UBTD1: variants seen among roughly 807,000 people sequenced by gnomAD.
UBTD1 encodes the protein ubiquitin domain containing 1.
UBTD1 carries 19 observed loss-of-function variants against 21.7 expected under a neutral mutation model. The ratio of observed to expected loss-of-function variants is 0.87; its 90% confidence interval spans 0.61 to 1.28. The LOEUF (loss-of-function observed/expected upper bound fraction) is 1.28. Ranked by LOEUF, UBTD1 falls within the 50% of genes most tolerant of loss-of-function variation. UBTD1 has a pLI of 0.00. For synonymous variants in UBTD1, 116 were observed against 135.1 expected, an observed-to-expected ratio of 0.86 and a Z score of 0.98; for missense variants, 282 against 315.1, an observed-to-expected ratio of 0.89 and a Z score of 0.80.
In UBTD1 at chr10:97,552,643, TCTGC is replaced by T. The variant is rs912175695; in HGVS notation, c.71-15264_71-15261del. On this transcript the variant is annotated intron_variant, in intron 1 of 2. Transcript: ENST00000370664. ...GTCTTGAACTCCTCACCTCAAGTGA[TCTGC>T]CTGCCTCAGCCTCCCAAAGTTCTGG... Among the ~76,000 whole-genome samples, 4 of 152,306 alleles carry T rather than the reference TCTGC, an allele frequency of 2.6e-5. No homozygotes were observed. The East Asian group carries it at 7.7e-4, about 29-fold the overall frequency.
At position 97,499,173 on chromosome 10, in the gene UBTD1, C is replaced by T. The variant is rs1390003837; in HGVS notation, c.-31C>T. The T allele has an allele frequency of 6.6e-7, 1 of 1,512,260 alleles. No homozygotes were observed. The highest frequency in any genetic ancestry group is 8.9e-7 in the Non-Finnish European group (1 of 1,126,876). The allele number at this position is 1,512,260 out of a possible 1,614,324, so 93.7% of individuals were successfully genotyped here. A position where few individuals can be genotyped will look rare whatever the true frequency, so the allele number is the denominator to read the frequency against. Reference sequence around the variant, plus strand: ...TGAGCAGCCGACCACCCCGCCGCCTCCGGTGCATGGGGACTGGCTGAGGAG... The same window carrying T: ...TGAGCAGCCGACCACCCCGCCGCCTTCGGTGCATGGGGACTGGCTGAGGAG... On this transcript the variant is annotated 5_prime_UTR_variant, in exon 1 of 3. Coordinates refer to ENST00000370664, the MANE Select transcript of UBTD1 (RefSeq NM_024954.5).
At chr10:97,557,432 G>A (rs558872708) in intron 1 of UBTD1, among the ~76,000 whole-genome samples, 62 of 152,176 alleles carry the variant, frequency 4.1e-4, no homozygotes, top group Admixed American at 8.5e-4. Flanking sequence ...TGCAGGAGGG[G>A]CTGACTTTTC....
At chr10:97,509,716 T>C (rs1238001355) in intron 1 of UBTD1, among the ~76,000 whole-genome samples, 1 of 152,128 alleles carries the variant, frequency 6.6e-6, no homozygotes, top group Non-Finnish European at 1.5e-5. Flanking sequence ...AATGGCATGA[T>C]CTCGGCTCAC....
rs573524897 is a variant in UBTD1 at position 97,535,816 on chromosome 10, G to A, written c.71-32098G>A. Among the ~76,000 whole-genome samples the A allele has an allele frequency of 2.6e-5, 4 of 151,816 alleles. No homozygotes were observed. The South Asian group carries it at 8.3e-4, about 32-fold the overall frequency. On this transcript the variant is annotated intron_variant, in intron 1 of 2. Coordinates refer to ENST00000370664, the MANE Select transcript of UBTD1 (RefSeq NM_024954.5). Reference sequence around the variant, plus strand: ...TCCTGTAGTCCTAGCTACTCAGGAGGCTGAGGTAGAAGGATCGCTTGATGC... The same window carrying A: ...TCCTGTAGTCCTAGCTACTCAGGAGACTGAGGTAGAAGGATCGCTTGATGC...
rs2040740651 is a variant in UBTD1, at chr10:97,570,397, A to G, written c.558A>G (p.Pro186=). 1 of 1,613,466 alleles carries G rather than the reference A, an allele frequency of 6.2e-7. No homozygotes were observed. The highest frequency in any genetic ancestry group is 1.1e-5 in the South Asian group (1 of 91,090). The change falls in exon 3 of 3, where the codon CCA becomes CCG. Residue 186 remains proline (P), a synonymous_variant. Coordinates refer to ENST00000370664, the MANE Select transcript of UBTD1 (RefSeq NM_024954.5). This position sits in a 1 kb window ranked among gnomAD's most constrained non-coding sequence, Gnocchi z 6.6. ...TGCACGCCCAGGAGGGCATCGAGCC[A>G]TCGTGGCAGCGGTGGTTCTTCTCCG... ...RQLHAQEGIE[P]SWQRWFFSGK...
rs2040744021 is a variant in UBTD1 at position 97,570,695 on chromosome 10, C to G, written c.*172C>G. ...CACTACGCGCCACCAGTTCCCGGTACCCAGGGAGCAGGCAGCCACACACGG... is the reference window on the plus strand; with the variant it reads ...CACTACGCGCCACCAGTTCCCGGTAGCCAGGGAGCAGGCAGCCACACACGG... On this transcript the variant is annotated 3_prime_UTR_variant, in exon 3 of 3. Transcript: ENST00000370664. This position sits in a 1 kb window ranked among gnomAD's most constrained non-coding sequence, Gnocchi z 6.6. 2 of 783,040 alleles carry G rather than the reference C, an allele frequency of 2.6e-6. No homozygotes were observed. The highest frequency in any genetic ancestry group is 5.9e-5 in the Admixed American group (2 of 33,914). 48.5% of individuals were successfully genotyped at this position (783,040 alleles called of 1,614,324 possible).
chr10:97,499,633 G>A (rs1240495867), intron 1 of UBTD1, among the ~76,000 whole-genome samples: 4 of 152,174 alleles, frequency 2.6e-5, no homozygotes, highest in Non-Finnish European at 4.4e-5. Flanking sequence ...CGGCCCGTCG[G>A]GGCACGGCGC....
At chr10:97,532,550 G>A (rs559106847) in intron 1 of UBTD1, among the ~76,000 whole-genome samples, 2 of 152,322 alleles carry the variant, frequency 1.3e-5, no homozygotes, top group East Asian at 1.9e-4. Flanking sequence ...CCAGCACTTT[G>A]GGAGGCCGAG....
chr10:97,524,158 G>A (rs887847363), intron 1 of UBTD1, among the ~76,000 whole-genome samples: 2 of 152,076 alleles, frequency 1.3e-5, no homozygotes, highest in Admixed American at 6.5e-5. Flanking sequence ...GCAGTGGCGC[G>A]ATTATGGTTC....
At chr10:97,529,719 TG>T (rs1564738746) in intron 1 of UBTD1, among the ~76,000 whole-genome samples, 6 of 151,040 alleles carry the variant, frequency 4.0e-5, no homozygotes, top group Non-Finnish European at 8.9e-5. Flanking sequence ...CGGCTCGGCA[TG>T]AGAGGGAGAC....
chr10:97,532,798 A>G (rs978557933), intron 1 of UBTD1, among the ~76,000 whole-genome samples: 4 of 148,942 alleles, frequency 2.7e-5, no homozygotes, highest in South Asian at 2.1e-4. Context: ...CTCAAAAAAA[A>G]AAAGAAAGAA....
intron 1 of UBTD1, among the ~76,000 whole-genome samples, chr10:97,534,571 G>A (rs112583869): frequency 0.013 from 1,191 of 91,412 alleles, 23 homozygotes; most frequent in African/African-American, 0.037. Context: ...GAACACACAC[G>A]CGCGCGCGCA....
chr10:97,545,650 C>G (rs969705229), intron 1 of UBTD1, among the ~76,000 whole-genome samples: 21 of 152,214 alleles, frequency 1.4e-4, no homozygotes, highest in African/African-American at 5.1e-4. Context: ...CTAGAAGAGA[C>G]TAGAATGCTT....
intron 2 of UBTD1, 70 bp downstream of exon 2, chr10:97,568,211 G>C: frequency 6.5e-7 from 1 of 1,537,732 alleles, no homozygotes; most frequent in Non-Finnish European, 8.9e-7. Flanking sequence ...TGAGGGTGTT[G>C]AGGAGTGTGG....
chr10:97,528,468 G>A (rs2040504702), intron 1 of UBTD1, among the ~76,000 whole-genome samples: 2 of 76,060 alleles, frequency 2.6e-5, no homozygotes, highest in Non-Finnish European at 5.3e-5. Context: ...TCCCAGTAGG[G>A]GCGGCCGGGC....
At chr10:97,516,413 T>G (rs561646742) in intron 1 of UBTD1, among the ~76,000 whole-genome samples, 1 of 152,320 alleles carries the variant, frequency 6.6e-6, no homozygotes, top group Admixed American at 6.5e-5. Flanking sequence ...AGGCAGCCAG[T>G]GAGGGGGCTG....
At chr10:97,553,375 C>A (rs1232686884) in intron 1 of UBTD1, among the ~76,000 whole-genome samples, 1 of 152,274 alleles carries the variant, frequency 6.6e-6, no homozygotes, top group Non-Finnish European at 1.5e-5. Flanking sequence ...AGGTGATCCA[C>A]CTGCCTCAGC....
chr10:97,526,916 A>T (rs1360985176), intron 1 of UBTD1, among the ~76,000 whole-genome samples: 1 of 151,282 alleles, frequency 6.6e-6, no homozygotes, highest in Non-Finnish European at 1.5e-5. Context: ...TCACACCTGT[A>T]ATCCCAGCAC....
Position 97,525,473 on chromosome 10 carries a change from G to A in UBTD1, c.70+26200G>A, listed in dbSNP as rs149792446. ...CGACATTTTCTATTTCAAAAGATGG[G>A]GTATCTTCGGGAGAGAAAACCAATA... On this transcript the variant is annotated intron_variant, in intron 1 of 2. Transcript: ENST00000370664. 1.1e-4 allele frequency among the ~76,000 whole-genome samples: 17 copies of A among 152,238 alleles called. No homozygotes were observed. The East Asian group carries it at 1.5e-3, about 14-fold the overall frequency.
Sources: gnomAD v4.1 joint callset for allele counts (sites outside exome capture counted in the v4.1 genomes callset) on GRCh38, gnomAD v4.1.1 for gene constraint, Gnocchi (gnomAD v3.1) non-coding constraint, MANE v1.5 for transcripts, NCBI Gene and HGNC (gene_info 2026-07-23, HGNC 2026-07-21) for gene names.